Variants in EYS observed in about 807,000 individuals in gnomAD.
EYS encodes the protein EGF-like photoreceptor maintenance factor.
In EYS, 250 loss-of-function variants were observed where a neutral mutation model predicts 282.1. The observed-to-expected ratio is 0.89, with a 90% confidence interval of 0.80 to 0.98. The LOEUF is 0.98. Among genes scored for constraint, EYS ranks in the 50% least tolerant of loss-of-function variants. The probability of loss-of-function intolerance (pLI) is 0.00; values close to 1 mark genes in which losing one functional copy is unlikely to be tolerated. For missense variants in EYS, 4,016 were observed against 3,709.0 expected, an observed-to-expected ratio of 1.08 and a Z score of -2.15; for synonymous variants, 1,355 against 1,282.9, an observed-to-expected ratio of 1.06 and a Z score of -1.20.
intron 8 of EYS, among the ~76,000 whole-genome samples, chr6:65,384,057 C>T (rs1319951951): frequency 6.6e-6 from 1 of 151,834 alleles, no homozygotes; most frequent in East Asian, 1.9e-4. Flanking sequence ...CAATCAACCA[C>T]TAGACTGATT....
chr6:64,345,311 C>A (rs1351733918), intron 29 of EYS, among the ~76,000 whole-genome samples: 1 of 152,108 alleles, frequency 6.6e-6, no homozygotes, highest in African/African-American at 2.4e-5. Context: ...TACTATGAGG[C>A]TACAGTAACC....
intron 12 of EYS, among the ~76,000 whole-genome samples, chr6:65,231,671 T>A (rs1766786309): frequency 6.6e-6 from 1 of 151,902 alleles, no homozygotes; most frequent in Non-Finnish European, 1.5e-5. Context: ...TGTTGCTTAA[T>A]AATTAAATTT....
intron 15 of EYS, among the ~76,000 whole-genome samples, chr6:64,916,666 C>A (rs1281545393): frequency 2.6e-5 from 4 of 152,010 alleles, no homozygotes; most frequent in Admixed American, 6.6e-5. Flanking sequence ...TTCAAACTCA[C>A]AGCTAGAAGC....
chr6:65,087,677 G>A (rs560511972), intron 12 of EYS, among the ~76,000 whole-genome samples: 100 of 152,262 alleles, frequency 6.6e-4, no homozygotes, highest in South Asian at 1.2e-3. Context: ...AACCCCTCAT[G>A]TCTATTAAGT....
At chr6:64,498,952 T>C (rs1054314275) in intron 26 of EYS, among the ~76,000 whole-genome samples, 6 of 152,172 alleles carry the variant, frequency 3.9e-5, no homozygotes, top group Non-Finnish European at 5.9e-5. Flanking sequence ...AGTAGAATGA[T>C]TTATAATCCT....
chr6:64,945,657 T>C (rs2150095944), intron 15 of EYS, 136 bp downstream of exon 15: 2 of 703,458 alleles, frequency 2.8e-6, no homozygotes, highest in South Asian at 6.7e-5. Flanking sequence ...CACCATCTTG[T>C]CAGTAAATGG....
At chr6:64,510,699 T>G (rs1777364253) in intron 26 of EYS, among the ~76,000 whole-genome samples, 1 of 152,172 alleles carries the variant, frequency 6.6e-6, no homozygotes, top group Admixed American at 6.5e-5. Context: ...CCCAAAATAT[T>G]GGTCAACTAC....
chr6:64,734,505 T>C lies in EYS; in HGVS notation c.3443+78873A>G, dbSNP rs528564683. Among the ~76,000 whole-genome samples, 30 of 152,324 alleles carry C rather than the reference T, an allele frequency of 2.0e-4. No individual in the cohort carries two copies. The East Asian group carries it at 4.8e-3, about 24-fold the overall frequency. ...ATAAGAGCATAGAAATCAGAATAAGTTAAATCAATCTCCTTATAAAAAATT... is the reference window on the plus strand; with the variant it reads ...ATAAGAGCATAGAAATCAGAATAAGCTAAATCAATCTCCTTATAAAAAATT... On this transcript the variant is annotated intron_variant, in intron 22 of 42. Transcript: ENST00000503581.
intron 36 of EYS, among the ~76,000 whole-genome samples, chr6:63,846,537 A>G (rs868265600): frequency 6.6e-5 from 10 of 152,256 alleles, no homozygotes; most frequent in African/African-American, 2.4e-4. Flanking sequence ...ACAAAATGTC[A>G]TTGTTGAAAC....
intron 30 of EYS, among the ~76,000 whole-genome samples, chr6:64,243,781 T>A (rs1391395771): frequency 6.6e-6 from 1 of 152,162 alleles, no homozygotes; most frequent in African/African-American, 2.4e-5. Context: ...ATCTTGGGGA[T>A]CTTTTATTTT....
intron 2 of EYS, among the ~76,000 whole-genome samples, chr6:65,509,604 G>A (rs752723337): frequency 7.2e-5 from 11 of 152,032 alleles, no homozygotes; most frequent in Admixed American, 5.9e-4. Context: ...AAACATTCTA[G>A]ATGAAAACTC....
rs77852538 is a variant in EYS, at chr6:65,476,891, C to T, written c.862+13703G>A. Among the ~76,000 whole-genome samples the T allele has an allele frequency of 2.0e-5, 3 of 152,068 alleles. No homozygotes were observed. The East Asian group carries it at 5.8e-4, about 29-fold the overall frequency. On this transcript the variant is annotated intron_variant, in intron 5 of 42. Coordinates refer to ENST00000503581, the MANE Select transcript of EYS (RefSeq NM_001142800.2). ...TAGCCAGCCTAAAATTGCTTTTAAA[C>T]CTATAAAATAAGAATTTGATTGGGT...
At chr6:63,792,696 T>A (rs1325498167) in intron 37 of EYS, among the ~76,000 whole-genome samples, 1 of 151,520 alleles carries the variant, frequency 6.6e-6, no homozygotes, top group East Asian at 1.9e-4. Flanking sequence ...TTTAACAGAA[T>A]CCCCAACTGT....
intron 12 of EYS, among the ~76,000 whole-genome samples, chr6:65,170,222 G>A (rs774432993): frequency 1.3e-5 from 2 of 150,688 alleles, no homozygotes; most frequent in Non-Finnish European, 1.5e-5. Context: ...ACACGCGCGC[G>A]TGCACGCACA....
At chr6:63,965,842 G>A (rs898621851) in intron 35 of EYS, among the ~76,000 whole-genome samples, 6 of 152,254 alleles carry the variant, frequency 3.9e-5, no homozygotes, top group Admixed American at 6.5e-5. Context: ...GCCTGTAATA[G>A]TAAATATCAC....
At chr6:64,428,360 T>C (rs1033544832) in intron 28 of EYS, among the ~76,000 whole-genome samples, 14 of 152,138 alleles carry the variant, frequency 9.2e-5, no homozygotes, top group East Asian at 1.9e-4. Context: ...TAGGAGACAG[T>C]TGACCTCTTG....
intron 28 of EYS, among the ~76,000 whole-genome samples, chr6:64,418,111 T>C (rs1774117295): frequency 6.6e-6 from 1 of 152,034 alleles, no homozygotes; most frequent in South Asian, 2.1e-4. Context: ...AACCACAGGG[T>C]GGGGCTAATA....
intron 22 of EYS, among the ~76,000 whole-genome samples, chr6:64,685,541 G>A (rs993707432): frequency 5.9e-5 from 9 of 152,020 alleles, no homozygotes; most frequent in African/African-American, 2.2e-4. Context: ...TAAGAGTCTG[G>A]CACCTCCAGT....
intron 12 of EYS, among the ~76,000 whole-genome samples, chr6:65,079,348 A>G (rs1244092020): frequency 6.6e-6 from 1 of 152,114 alleles, no homozygotes; most frequent in Non-Finnish European, 1.5e-5. Flanking sequence ...TAAATTTAAA[A>G]ACTAATTCAT....
Sources: allele counts gnomAD v4.1 joint callset (sites outside exome capture counted in the v4.1 genomes callset), GRCh38; gene constraint gnomAD v4.1.1; transcripts MANE v1.5; gene names NCBI Gene and HGNC (gene_info 2026-07-23, HGNC 2026-07-21).